FRAS1: variants seen among roughly 807,000 people sequenced by gnomAD.
FRAS1 encodes Fraser extracellular matrix complex subunit 1.
Under a neutral mutation model 435.2 loss-of-function variants are expected in FRAS1, and 290 were observed. The ratio of observed to expected loss-of-function variants is 0.67; its 90% CI spans 0.61 to 0.73. The LOEUF is 0.73. Ranked by LOEUF, FRAS1 falls within the 30% of genes least tolerant of loss-of-function variation. FRAS1 has a pLI of 0.00. For missense variants in FRAS1, 4,860 were observed against 5,001.5 expected, an observed-to-expected ratio of 0.97 and a Z score of 0.85; for synonymous variants, 1,800 against 1,851.0, an observed-to-expected ratio of 0.97 and a Z score of 0.71.
intron 35 of FRAS1, 78 bp downstream of exon 35, chr4:78,424,498 C>G: frequency 1.6e-6 from 1 of 612,250 alleles, no homozygotes; most frequent in South Asian, 3.1e-5. Context: ...TTCCCATCAT[C>G]ATTATTTTTA....
At chr4:78,515,287 G>C (rs1721170942) in intron 65 of FRAS1, among the ~76,000 whole-genome samples, 1 of 148,360 alleles carries the variant, frequency 6.7e-6, no homozygotes, top group African/African-American at 2.5e-5. Context: ...TTCAGAAACT[G>C]TATGAGCAAG....
At chr4:78,308,029 C>A in intron 14 of FRAS1, 37 bp from the exon 15 acceptor site, 1 of 1,560,462 alleles carries the variant, frequency 6.4e-7, no homozygotes, top group South Asian at 1.2e-5. Flanking sequence ...GTCCTTTCTG[C>A]CGTAGATTAC....
At chr4:78,152,896 A>C (rs960486149) in intron 2 of FRAS1, among the ~76,000 whole-genome samples, 1 of 152,156 alleles carries the variant, frequency 6.6e-6, no homozygotes, top group Non-Finnish European at 1.5e-5. Context: ...CATTACCTGC[A>C]GTCATGTTCC....
chr4:78,399,581 T>G (rs1341511078), intron 29 of FRAS1, among the ~76,000 whole-genome samples: 1 of 152,196 alleles, frequency 6.6e-6, no homozygotes, highest in Non-Finnish European at 1.5e-5. Context: ...TTAGCTTTAG[T>G]AATTAAAATG....
chr4:78,077,253 T>C (rs112725455), intron 2 of FRAS1, among the ~76,000 whole-genome samples: 4,407 of 151,924 alleles, frequency 0.029, 192 homozygotes, highest in African/African-American at 0.1. Context: ...GCCTATCTTC[T>C]CAGCTACTTG....
At chr4:78,286,130 T>C in intron 13 of FRAS1, 1 of 533,412 alleles carries the variant, frequency 1.9e-6, no homozygotes, top group Non-Finnish European at 3.6e-6. Context: ...TTAATCTCCC[T>C]GAGTCTGTTC....
chr4:78,276,187 T>C (rs535801290), intron 9 of FRAS1, among the ~76,000 whole-genome samples: 1 of 152,360 alleles, frequency 6.6e-6, no homozygotes, highest in Admixed American at 6.5e-5. Context: ...AGGACTTCTC[T>C]ACACTGGTTG....
At chr4:78,181,642 T>C in intron 2 of FRAS1, 1 of 1,610,110 alleles carries the variant, frequency 6.2e-7, no homozygotes. Context: ...CGAATCTTCG[T>C]TCACAAGGTG....
Position 78,065,980 on chromosome 4 carries a change from C to A in FRAS1, c.77-5C>A. 6.2e-7 allele frequency: 1 copy of A among 1,604,444 alleles called. No individual in the cohort carries two copies. The highest frequency in any genetic ancestry group is 8.5e-7 in the Non-Finnish European group (1 of 1,172,250). ...TTTTAATTCTTGTTTTGTTTTTCCC[C>A]ACAGGTGCTTGTGTCTATCAGGATT... On this transcript the variant is annotated splice_region_variant and splice_polypyrimidine_tract_variant and intron_variant, in intron 1 of 73. Coordinates refer to ENST00000512123, the MANE Select transcript of FRAS1 (RefSeq NM_025074.7).
At chr4:78,263,756 T>C (rs1486365725) in intron 6 of FRAS1, among the ~76,000 whole-genome samples, 1 of 152,144 alleles carries the variant, frequency 6.6e-6, no homozygotes. Flanking sequence ...ACTTTGCATA[T>C]AGAAAAATAA....
chr4:78,233,191 G>T (rs1349449492), intron 2 of FRAS1, among the ~76,000 whole-genome samples: 2 of 152,210 alleles, frequency 1.3e-5, no homozygotes, highest in Non-Finnish European at 2.9e-5. Context: ...CATCTGGAGA[G>T]AATAAATATG....
Position 78,450,178 on chromosome 4 carries a change from A to G in FRAS1, c.6302A>G (p.His2101Arg). The G allele has an allele frequency of 6.2e-7, 1 of 1,613,858 alleles. No individual in the cohort carries two copies. Among genetic ancestry groups the G allele is most frequent in the Non-Finnish European group, 8.5e-7 (1 of 1,179,768 alleles). The change falls in exon 45 of 74, where the codon CAC (histidine) becomes CGC (arginine). Residue 2101 changes from histidine to arginine, a missense_variant. His to Arg is a conservative substitution (Grantham distance 29). Coordinates refer to ENST00000512123, the MANE Select transcript of FRAS1 (RefSeq NM_025074.7). ...AGSVARITEQ[H>R]LKVTDIDSDD... ...TCTGTAGCACGCATCACAGAACAGC[A>G]CTTGAAAGTGACAGATATTGACTCA...
At chr4:78,112,315 A>T (rs1374374808) in intron 2 of FRAS1, among the ~76,000 whole-genome samples, 3 of 152,102 alleles carry the variant, frequency 2.0e-5, no homozygotes, top group Non-Finnish European at 4.4e-5. Context: ...TTTTTAAAAG[A>T]CTCACCAATC....
At chr4:78,345,530 A>AT (rs34335683) in intron 20 of FRAS1, among the ~76,000 whole-genome samples, 13 of 149,084 alleles carry the variant, frequency 8.7e-5, no homozygotes, top group Non-Finnish European at 1.8e-4. Context: ...CTATCTCTGT[A>AT]TTTTTTTTCA....
intron 9 of FRAS1, among the ~76,000 whole-genome samples, chr4:78,271,311 T>C (rs1439121756): frequency 3.3e-5 from 5 of 152,122 alleles, no homozygotes; most frequent in African/African-American, 9.7e-5. Flanking sequence ...AATTGTTTTC[T>C]CCATTAATTT....
At chr4:78,260,317 G>T (rs1391731864) in intron 6 of FRAS1, among the ~76,000 whole-genome samples, 7 of 151,918 alleles carry the variant, frequency 4.6e-5, no homozygotes, top group Admixed American at 2.6e-4. Context: ...TCACCATATT[G>T]ATTCTTCCTA....
intron 2 of FRAS1, among the ~76,000 whole-genome samples, chr4:78,114,024 T>C (rs1176237172): frequency 2.0e-5 from 3 of 152,194 alleles, no homozygotes; most frequent in African/African-American, 4.8e-5. Flanking sequence ...AAGGAAGGGA[T>C]CTAGTTTCAG....
intron 6 of FRAS1, 183 bp from the exon 7 acceptor site, chr4:78,264,842 A>G: frequency 1.5e-6 from 1 of 687,316 alleles, no homozygotes; most frequent in East Asian, 2.8e-5. Context: ...TTAAGGGCAC[A>G]CTGACCTTGG....
intron 14 of FRAS1, among the ~76,000 whole-genome samples, chr4:78,300,692 C>G (rs952661325): frequency 2.0e-5 from 3 of 152,076 alleles, no homozygotes; most frequent in Admixed American, 2.0e-4. Flanking sequence ...GGATAAAAAT[C>G]CTAATTTCTT....
Sources: gnomAD v4.1 joint callset for allele counts (sites outside exome capture counted in the v4.1 genomes callset) on GRCh38, gnomAD v4.1.1 for gene constraint, MANE v1.5 for transcripts, NCBI Gene and HGNC (gene_info 2026-07-23, HGNC 2026-07-21) for gene names.